The following CHN2 variants were observed in gnomAD, a reference collection of about 807,000 sequenced individuals.
CHN2 encodes beta-chimaerin.
In CHN2, 35 loss-of-function variants were observed where a neutral mutation model predicts 56.3. The observed-to-expected ratio is 0.62, with a 90% CI of 0.47 to 0.82. CHN2 has a LOEUF of 0.82. Ranked by LOEUF, CHN2 falls within the 40% of genes least tolerant of loss-of-function variation. The pLI is 0.00. For missense variants in CHN2, 491 were observed against 580.5 expected, an observed-to-expected ratio of 0.85 and a Z score of 1.58; for synonymous variants, 210 against 212.8, an observed-to-expected ratio of 0.99 and a Z score of 0.12.
intron 6 of CHN2, among the ~76,000 whole-genome samples, chr7:29,467,820 G>C (rs1485101641): frequency 6.6e-6 from 1 of 152,200 alleles, no homozygotes; most frequent in Non-Finnish European, 1.5e-5. Flanking sequence ...TAGGATGGTT[G>C]TGCAGATAAA....
intron 1 of CHN2, among the ~76,000 whole-genome samples, chr7:29,227,204 A>G (rs1276265786): frequency 1.3e-5 from 2 of 152,214 alleles, no homozygotes; most frequent in Non-Finnish European, 2.9e-5. Flanking sequence ...GGCAGCAGGC[A>G]GCTTATTGAG....
intron 2 of CHN2, among the ~76,000 whole-genome samples, chr7:29,174,814 T>C (rs189072494): frequency 6.6e-6 from 1 of 150,392 alleles, no homozygotes; most frequent in African/African-American, 2.5e-5. Flanking sequence ...GAGCCAAGAT[T>C]GTGCCATCGC....
intron 1 of CHN2, among the ~76,000 whole-genome samples, chr7:29,209,512 A>G (rs1784763933): frequency 6.6e-6 from 1 of 152,176 alleles, no homozygotes; most frequent in Non-Finnish European, 1.5e-5. Context: ...ACTTTGTTTT[A>G]TGGTTATGAA....
At chr7:29,460,406 G>T (rs1785079293) in intron 6 of CHN2, among the ~76,000 whole-genome samples, 1 of 152,110 alleles carries the variant, frequency 6.6e-6, no homozygotes, top group Admixed American at 6.5e-5. Context: ...GCCTCCCTAT[G>T]TATTATCTGG....
intron 6 of CHN2, among the ~76,000 whole-genome samples, chr7:29,443,767 TGAGA>T (rs1783841208): frequency 1.3e-5 from 2 of 150,140 alleles, no homozygotes; most frequent in African/African-American, 4.9e-5. Flanking sequence ...GGCAGGGGGG[TGAGA>T]GAGATGGCAG....
At chr7:29,498,726 TTCAGAATGTA>T (rs962845708) in intron 8 of CHN2, among the ~76,000 whole-genome samples, 5 of 146,416 alleles carry the variant, frequency 3.4e-5, no homozygotes, top group South Asian at 2.1e-4. Flanking sequence ...ATTTTTCCCT[TTCAGAATGTA>T]GCAGAATGTA....
intron 1 of CHN2, among the ~76,000 whole-genome samples, chr7:29,270,706 G>A (rs1167931446): frequency 6.6e-6 from 1 of 151,794 alleles, no homozygotes; most frequent in African/African-American, 2.4e-5. Flanking sequence ...AAAGTTTATT[G>A]AGTCATTTTT....
chr7:29,152,811 C>T (rs1312187345), intron 2 of CHN2, among the ~76,000 whole-genome samples: 1 of 152,172 alleles, frequency 6.6e-6, no homozygotes, highest in East Asian at 1.9e-4. Flanking sequence ...AACAGGCAAG[C>T]AAAACAAAAT....
intron 6 of CHN2, among the ~76,000 whole-genome samples, chr7:29,428,904 A>G (rs575560011): frequency 2.0e-5 from 3 of 152,324 alleles, no homozygotes; most frequent in African/African-American, 7.2e-5. Flanking sequence ...TGAAGATGCA[A>G]TGATGTAAAT....
chr7:29,276,063 AAAAAC>A (rs1379375072), intron 1 of CHN2, among the ~76,000 whole-genome samples: 1 of 152,198 alleles, frequency 6.6e-6, no homozygotes, highest in Non-Finnish European at 1.5e-5. Context: ...ACTTAAAAAA[AAAAAC>A]AAAACACGCA....
At chr7:29,297,652 C>G (rs1213194037) in intron 1 of CHN2, among the ~76,000 whole-genome samples, 8 of 152,106 alleles carry the variant, frequency 5.3e-5, no homozygotes, top group Non-Finnish European at 8.8e-5. Context: ...CGGCCAAAAG[C>G]CCGGCTGGTA....
intron 9 of CHN2, among the ~76,000 whole-genome samples, chr7:29,502,916 C>G (rs914487506): frequency 1.3e-5 from 2 of 152,128 alleles, no homozygotes; most frequent in Admixed American, 6.5e-5. Context: ...CACCCTCCAA[C>G]AGGCCCCGGT....
chr7:29,410,798 A>AT (rs1803135098), intron 6 of CHN2, among the ~76,000 whole-genome samples: 3 of 152,198 alleles, frequency 2.0e-5, no homozygotes, highest in Non-Finnish European at 4.4e-5. Flanking sequence ...GTAGTGAGAC[A>AT]TAGTAAAAGT....
intron 6 of CHN2, among the ~76,000 whole-genome samples, chr7:29,457,449 G>A (rs576711815): frequency 1.1e-4 from 17 of 152,236 alleles, no homozygotes; most frequent in African/African-American, 3.9e-4. Context: ...ATCTGAGAAC[G>A]AGATTCTGGA....
chr7:29,162,661 C>CAAAAA (rs35159645), intron 2 of CHN2, among the ~76,000 whole-genome samples: 3 of 58,372 alleles, frequency 5.1e-5, no homozygotes, highest in Admixed American at 1.5e-4. Context: ...AACTCCATCT[C>CAAAAA]AAAAAAAAAA....
chr7:29,446,427 T>G (rs887535066), intron 6 of CHN2, among the ~76,000 whole-genome samples: 2 of 152,180 alleles, frequency 1.3e-5, no homozygotes, highest in Non-Finnish European at 2.9e-5. Context: ...ATCTCAAAAG[T>G]GTTTCAGAAA....
At chr7:29,246,390 T>A (rs895677559) in intron 1 of CHN2, among the ~76,000 whole-genome samples, 1 of 152,122 alleles carries the variant, frequency 6.6e-6, no homozygotes, top group Non-Finnish European at 1.5e-5. Flanking sequence ...ACCAGAATAG[T>A]CTTCTGGAAG....
chr7:29,336,788 A>G (rs1796659593), intron 1 of CHN2, among the ~76,000 whole-genome samples: 1 of 98,842 alleles, frequency 1.0e-5, no homozygotes, highest in African/African-American at 3.8e-5. Context: ...AAAAAAAAAA[A>G]AGCTTCACAT....
At chr7:29,380,889 G>A (rs937542980) in intron 3 of CHN2, 5 of 152,162 alleles carry the variant, frequency 3.3e-5, no homozygotes, top group Admixed American at 6.5e-5. Flanking sequence ...ATTAGAAAAG[G>A]TCAAAGGCAC....
Sources: gnomAD v4.1 joint callset for allele counts (sites outside exome capture counted in the v4.1 genomes callset) on GRCh38, gnomAD v4.1.1 for gene constraint, MANE v1.5 for transcripts, NCBI Gene and HGNC (gene_info 2026-07-23, HGNC 2026-07-21) for gene names.